The following NPC1 variants were observed in gnomAD, a reference collection of about 807,000 sequenced individuals.
NPC1 encodes Niemann-Pick C1 protein.
Under a neutral mutation model 140.4 loss-of-function variants are expected in NPC1, and 85 were observed. The ratio of observed to expected loss-of-function variants is 0.61; its 90% confidence interval spans 0.51 to 0.72. NPC1 has a LOEUF of 0.72. Ranked by LOEUF, NPC1 falls within the 30% of genes least tolerant of loss-of-function variation. The probability of loss-of-function intolerance (pLI) is 0.00; values close to 1 mark genes in which losing one functional copy is unlikely to be tolerated. For missense variants in NPC1, 1,504 were observed against 1,623.8 expected (o/e 0.93, Z 1.27); for synonymous variants, 656 against 624.8 (o/e 1.05, Z -0.74).
downstream of NPC1, among the ~76,000 whole-genome samples, chr18:23,521,094 A>G (rs2058130832): frequency 6.6e-6 from 1 of 152,126 alleles, no homozygotes; most frequent in African/African-American, 2.4e-5. Flanking sequence ...ACCTCAGGTG[A>G]TCCGCCTGCC....
rs1352231254 is a variant in NPC1, at chr18:23,531,561, G to T, written c.*641C>A. 10 of 1,586,256 alleles carry T rather than the reference G, an allele frequency of 6.3e-6. No individual in the cohort carries two copies. Among genetic ancestry groups the T allele is most frequent in the Non-Finnish European group, 8.6e-6 (10 of 1,169,358 alleles). ...TAAAACCCAGTAGACACACCTACGAGATGCTTTCTTTGTCCCTCATTTCAT... is the reference window on the plus strand; with the variant it reads ...TAAAACCCAGTAGACACACCTACGATATGCTTTCTTTGTCCCTCATTTCAT... On this transcript the variant is annotated 3_prime_UTR_variant, in exon 25 of 25. Coordinates refer to ENST00000269228, the MANE Select transcript of NPC1 (RefSeq NM_000271.5).
At chr18:23,563,250 T>C (rs1426515148) in intron 4 of NPC1, among the ~76,000 whole-genome samples, 1 of 152,228 alleles carries the variant, frequency 6.6e-6, no homozygotes, top group East Asian at 1.9e-4. Flanking sequence ...CAAGGACATA[T>C]GTTTTGTTTA....
chr18:23,513,249 C>G (rs1193629652), intron 3 of NPC1, among the ~76,000 whole-genome samples: 2 of 152,142 alleles, frequency 1.3e-5, no homozygotes, highest in Admixed American at 1.3e-4. Context: ...CCACTGTGTC[C>G]GGCCGAATTT....
downstream of NPC1, chr18:23,529,502 G>T (rs1652376): frequency 0.49 from 604,778 of 1,236,124 alleles, 154,768 homozygotes; most frequent in East Asian, 0.9. Flanking sequence ...CTGGAGCGAT[G>T]TGTGCAAAAC....
intron 3 of NPC1, chr18:23,509,168 A>G: frequency 9.5e-7 from 1 of 1,052,250 alleles, no homozygotes; most frequent in Non-Finnish European, 1.3e-6. Flanking sequence ...ATTAATTAAA[A>G]ATATTTTTAA....
chr18:23,579,566 C>T (rs1039759684), intron 1 of NPC1, among the ~76,000 whole-genome samples: 8 of 152,112 alleles, frequency 5.3e-5, no homozygotes, highest in Non-Finnish European at 1.0e-4. Context: ...CTTCTTTCAA[C>T]GATAGGAACA....
intron 3 of NPC1, among the ~76,000 whole-genome samples, chr18:23,517,270 C>T (rs888745732): frequency 6.6e-6 from 1 of 151,994 alleles, no homozygotes; most frequent in African/African-American, 2.4e-5. Flanking sequence ...CTGCCTCAGC[C>T]TCCCGAGTAG....
At chr18:23,585,596 C>T (rs2145600758) in intron 1 of NPC1, among the ~76,000 whole-genome samples, 1 of 152,272 alleles carries the variant, frequency 6.6e-6, no homozygotes, top group African/African-American at 2.4e-5. Flanking sequence ...ACTACAGACA[C>T]ACAAATACTG....
At chr18:23,560,596 A>G (rs2059024297) in intron 5 of NPC1, 116 bp from the exon 6 acceptor site, 1 of 1,100,908 alleles carries the variant, frequency 9.1e-7, no homozygotes, top group African/African-American at 1.6e-5. Flanking sequence ...GAAAGAAGAA[A>G]AAGAATTGGA....
At chr18:23,568,288 G>A (rs866087739) in intron 4 of NPC1, among the ~76,000 whole-genome samples, 5 of 151,974 alleles carry the variant, frequency 3.3e-5, no homozygotes, top group Admixed American at 1.3e-4. Flanking sequence ...CTTATTTTTT[G>A]TTGCTTTTGT....
In NPC1 at chr18:23,586,397, C is replaced by A; in HGVS notation, c.-54G>T. The A allele has an allele frequency of 1.3e-6, 2 of 1,529,248 alleles. No individual in the cohort carries two copies. The highest frequency in any genetic ancestry group is 1.7e-6 in the Non-Finnish European group (2 of 1,144,442). 94.7% of individuals were successfully genotyped at this position (1,529,248 alleles called of 1,614,324 possible). A position where few individuals can be genotyped will look rare whatever the true frequency, so the allele number is the denominator to read the frequency against. On this transcript the variant is annotated 5_prime_UTR_variant, in exon 1 of 25. Coordinates refer to ENST00000269228, the MANE Select transcript of NPC1 (RefSeq NM_000271.5). Reference sequence around the variant, plus strand: ...GGCGGCGTTCGGCTGGTTGGGCTCCCCGGAGGCGGCTCTACTTCCCCGGGC... The same window carrying A: ...GGCGGCGTTCGGCTGGTTGGGCTCCACGGAGGCGGCTCTACTTCCCCGGGC...
At chr18:23,511,173 G>T (rs540864394) in intron 3 of NPC1, among the ~76,000 whole-genome samples, 1 of 152,224 alleles carries the variant, frequency 6.6e-6, no homozygotes, top group African/African-American at 2.4e-5. Context: ...CATGTCTTTT[G>T]TGGGAACATG....
At chr18:23,543,206 T>C (rs1286760299) in intron 14 of NPC1, among the ~76,000 whole-genome samples, 4 of 151,698 alleles carry the variant, frequency 2.6e-5, no homozygotes, top group Admixed American at 2.6e-4. Context: ...GTACGTGCCT[T>C]TAATCCCAGC....
intron 8 of NPC1, among the ~76,000 whole-genome samples, chr18:23,555,757 G>C (rs2058941104): frequency 6.6e-6 from 1 of 152,074 alleles, no homozygotes; most frequent in Non-Finnish European, 1.5e-5. Flanking sequence ...GGGTGCCCAT[G>C]TTCAGGCAGT....
downstream of NPC1, chr18:23,529,429 C>G (rs1203358554): frequency 7.1e-7 from 1 of 1,413,568 alleles, no homozygotes; most frequent in African/African-American, 1.4e-5. Flanking sequence ...TTGGGTGAGG[C>G]CCTAGAGCTG....
chr18:23,518,268 T>A (rs1326745811), downstream of NPC1, among the ~76,000 whole-genome samples: 1 of 152,040 alleles, frequency 6.6e-6, no homozygotes, highest in Non-Finnish European at 1.5e-5. Flanking sequence ...GGCAGGGGGA[T>A]CGCCTTGAGG....
downstream of NPC1, chr18:23,518,941 C>T (rs772103682): frequency 6.2e-7 from 1 of 1,614,204 alleles, no homozygotes; most frequent in Non-Finnish European, 8.5e-7. Context: ...GGACCTCCAA[C>T]AGCACAGGAG....
At chr18:23,568,770 C>A (rs149021947) in intron 4 of NPC1, 53 bp downstream of exon 4, 2 of 1,422,910 alleles carry the variant, frequency 1.4e-6, no homozygotes, top group African/African-American at 2.8e-5. Flanking sequence ...GAACAATTTG[C>A]TCTGCTGTCC....
At position 23,513,479 on chromosome 18, in the gene NPC1, A is replaced by G. The variant is rs541883562; in HGVS notation, c.432-6837T>C. Among the ~76,000 whole-genome samples, 9 of 152,340 alleles carry G rather than the reference A, an allele frequency of 5.9e-5. No individual in the cohort carries two copies. The South Asian group carries it at 8.3e-4, about 14-fold the overall frequency. On this transcript the variant is annotated intron_variant, in intron 3 of 3. Transcript: ENST00000591107. ...TTTGGGTTGCTTCTGCCTCTTGGCC[A>G]TTGTGAATAGTGCTGCTGTCAATAC...
Sources: gnomAD v4.1 joint callset for allele counts (sites outside exome capture counted in the v4.1 genomes callset) on GRCh38, gnomAD v4.1.1 for gene constraint, MANE v1.5 for transcripts, NCBI Gene and HGNC (gene_info 2026-07-23, HGNC 2026-07-21) for gene names.